RASGRP1: variants seen among roughly 807,000 people sequenced by gnomAD.
RASGRP1 encodes the protein RAS guanyl-releasing protein 1.
A neutral mutation model predicts 95.1 loss-of-function variants in RASGRP1; 37 were observed. The ratio of observed to expected loss-of-function variants is 0.39; its 90% CI spans 0.30 to 0.51. The LOEUF (loss-of-function observed/expected upper bound fraction) is 0.51, where lower values mean the gene tolerates loss of function less well. Among genes scored for constraint, RASGRP1 ranks in the 20% least tolerant of loss-of-function variants. The probability of loss-of-function intolerance (pLI) is 0.80; values close to 1 mark genes in which losing one functional copy is unlikely to be tolerated. For synonymous variants in RASGRP1, 325 were observed against 353.4 expected (o/e 0.92, Z 0.90); for missense variants, 711 against 965.4 (o/e 0.74, Z 3.49).
At chr15:38,508,278 A>G (rs1001558437) in intron 8 of RASGRP1, among the ~76,000 whole-genome samples, 1 of 152,198 alleles carries the variant, frequency 6.6e-6, no homozygotes, top group Admixed American at 6.5e-5. Context: ...TTATGTTAAA[A>G]TTTCCTTCTT....
rs201510994 is a variant in RASGRP1, at chr15:38,537,033, G to GT, written c.221-10630dup. ...TCTTGCTAGATTTAAGCACTATTTT[G>GT]TTTTTTTTTCCTTTGTTCTGGCTAT... On this transcript the variant is annotated intron_variant, in intron 2 of 16. Coordinates refer to ENST00000310803, the MANE Select transcript of RASGRP1 (RefSeq NM_005739.4). 3.3e-3 allele frequency among the ~76,000 whole-genome samples: 501 copies of GT among 150,364 alleles called. 7 individuals are homozygous for GT. The highest frequency in any genetic ancestry group is 0.011 in the African/African-American group (439 of 40,948).
chr15:38,562,280 C>T (rs1339655952), intron 1 of RASGRP1, among the ~76,000 whole-genome samples: 1 of 152,232 alleles, frequency 6.6e-6, no homozygotes, highest in Non-Finnish European at 1.5e-5. Context: ...CTTGCAGGCC[C>T]TCAGAACTGT....
At chr15:38,501,857 G>GTTTT (rs199551123) in intron 12 of RASGRP1, among the ~76,000 whole-genome samples, 1 of 140,952 alleles carries the variant, frequency 7.1e-6, no homozygotes, top group East Asian at 2.1e-4. Context: ...TTCAGTTTTT[G>GTTTT]TTTTTTTTTT....
intron 2 of RASGRP1, among the ~76,000 whole-genome samples, chr15:38,552,330 G>A (rs1003104395): frequency 6.6e-5 from 10 of 152,136 alleles, no homozygotes; most frequent in African/African-American, 2.4e-4. Context: ...ATAAAAAATA[G>A]AAGTCTCAGC....
chr15:38,501,228 T>C lies in RASGRP1; in HGVS notation c.1598A>G (p.Tyr533Cys), dbSNP rs1211649979. ...TAYFMRASSI[Y>C]SKLGLGFPHN... Reference sequence around the variant, plus strand: ...AGGAAAGCCCAGGCCCAGCTTGGAATAGATTGAGCTGGCTCTCATGAAGTA... The same window carrying C: ...AGGAAAGCCCAGGCCCAGCTTGGAACAGATTGAGCTGGCTCTCATGAAGTA... Residue 533 changes from tyrosine to cysteine, a missense_variant, in exon 13 of 17, where the codon TAT becomes TGT. Physicochemically the swap from Tyr to Cys is radical, Grantham distance 194. Coordinates refer to ENST00000310803, the MANE Select transcript of RASGRP1 (RefSeq NM_005739.4). 2 of 1,613,172 alleles carry C rather than the reference T, an allele frequency of 1.2e-6. No individual in the cohort carries two copies. The highest frequency in any genetic ancestry group is 2.2e-5 in the South Asian group (2 of 91,022).
chr15:38,497,778 T>A (rs1004623400), intron 15 of RASGRP1, among the ~76,000 whole-genome samples: 5 of 152,226 alleles, frequency 3.3e-5, no homozygotes, highest in African/African-American at 1.2e-4. Context: ...AGTCATTTCC[T>A]TATTGTACTG....
Position 38,512,963 on chromosome 15 carries a change from G to C in RASGRP1, c.676-7C>G. On this transcript the variant is annotated splice_polypyrimidine_tract_variant and splice_region_variant and intron_variant, in intron 6 of 16. Coordinates refer to ENST00000310803, the MANE Select transcript of RASGRP1 (RefSeq NM_005739.4). Reference sequence around the variant, plus strand: ...AATTCTGATAATCAGAGAACTGCAGGAAAAGAAACAACAACAACAAAAAAA... The same window carrying C: ...AATTCTGATAATCAGAGAACTGCAGCAAAAGAAACAACAACAACAAAAAAA... The C allele has an allele frequency of 1.3e-6, 2 of 1,508,018 alleles. No homozygotes were observed. Among genetic ancestry groups the C allele is most frequent in the Non-Finnish European group, 1.8e-6 (2 of 1,131,342 alleles). The allele number at this position is 1,508,018 out of a possible 1,614,324, so 93.4% of individuals were successfully genotyped here.
chr15:38,488,250 A>T lies in RASGRP1; in HGVS notation c.*2304T>A, dbSNP rs141487112. On this transcript the variant is annotated 3_prime_UTR_variant, in exon 17 of 17. Transcript: ENST00000310803. ...GAGACAGAAATTCACAACGGTCAGT[A>T]AAAAGGTAAGTCAGCAAAGAAAATG... 1.3e-5 allele frequency: 2 copies of T among 152,172 alleles called. No individual in the cohort carries two copies. The highest frequency in any genetic ancestry group is 3.9e-4 in the East Asian group (2 of 5,190). 9.4% of individuals were successfully genotyped at this position (152,172 alleles called of 1,614,324 possible). A position where few individuals can be genotyped will look rare whatever the true frequency, so the allele number is the denominator to read the frequency against.
intron 2 of RASGRP1, among the ~76,000 whole-genome samples, chr15:38,551,506 C>T (rs1324068315): frequency 2.0e-5 from 3 of 151,992 alleles, no homozygotes; most frequent in East Asian, 1.9e-4. Flanking sequence ...TGATCATCCA[C>T]GACAATGTAT....
intron 2 of RASGRP1, among the ~76,000 whole-genome samples, chr15:38,546,345 G>A (rs12324389): frequency 0.015 from 2,355 of 152,194 alleles, 63 homozygotes; most frequent in African/African-American, 0.053. Context: ...AGCCTCCAGA[G>A]TATTCTGTTG....
Position 38,543,007 on chromosome 15 carries a change from G to C in RASGRP1, c.221-16603C>G, listed in dbSNP as rs1050594218. On this transcript the variant is annotated intron_variant, in intron 2 of 16. Transcript: ENST00000310803. ...TTTTCTTCCATTCATTTCTTTAATG[G>C]TATCTTTTGATGAGAAGTTTTTGAT... 2.7e-5 allele frequency among the ~76,000 whole-genome samples: 4 copies of C among 148,854 alleles called. No homozygotes were observed. In the East Asian group the frequency reaches 5.9e-4, roughly 22 times the overall value.
intron 2 of RASGRP1, among the ~76,000 whole-genome samples, chr15:38,540,793 C>A (rs1166864307): frequency 1.3e-5 from 2 of 152,130 alleles, no homozygotes; most frequent in Non-Finnish European, 2.9e-5. Flanking sequence ...ATAAGGAAAA[C>A]TTAGGTTAAA....
rs567743272 is a variant in RASGRP1, at chr15:38,547,998, T to C, written c.220+11823A>G. ...GGTTTTTTTTTTTTTTTTGGTCTTT[T>C]TGGATACCCAGGAATTGAGCATCTC... On this transcript the variant is annotated intron_variant, in intron 2 of 16. Transcript: ENST00000310803. Among the ~76,000 whole-genome samples the C allele has an allele frequency of 9.2e-5, 14 of 152,114 alleles. No individual in the cohort carries two copies. In the East Asian group the frequency reaches 2.7e-3, roughly 29 times the overall value.
At chr15:38,535,569 A>T (rs1348560500) in intron 2 of RASGRP1, among the ~76,000 whole-genome samples, 2 of 152,170 alleles carry the variant, frequency 1.3e-5, no homozygotes, top group Non-Finnish European at 2.9e-5. Context: ...CTAAGGGCCC[A>T]CAGTGCCTGC....
rs369512318 is a variant in RASGRP1 at position 38,502,240 on chromosome 15, C to G, written c.1538+72G>C. Reference sequence around the variant, plus strand: ...AACATATCTGAGTTTTCAAATTCTTCTAGTGACATACCTATAAACCTATTC... The same window carrying G: ...AACATATCTGAGTTTTCAAATTCTTGTAGTGACATACCTATAAACCTATTC... On this transcript the variant is annotated intron_variant, in intron 12 of 16. Transcript: ENST00000310803. 33 of 1,067,622 alleles carry G rather than the reference C, an allele frequency of 3.1e-5. No homozygotes were observed. In the African/African-American group the frequency reaches 5.1e-4, roughly 16 times the overall value. 66.1% of individuals were successfully genotyped at this position (1,067,622 alleles called of 1,614,324 possible).
chr15:38,498,757 T>A (rs745886723), intron 15 of RASGRP1, 37 bp downstream of exon 15: 1 of 1,599,588 alleles, frequency 6.3e-7, no homozygotes, highest in South Asian at 1.1e-5. Context: ...CCTTCCTACT[T>A]CACTTTCCAA....
chr15:38,511,758 A>G (rs780658428), intron 7 of RASGRP1, 38 bp from the exon 8 acceptor site: 2 of 1,498,960 alleles, frequency 1.3e-6, no homozygotes, highest in African/African-American at 2.8e-5. Flanking sequence ...GAGTCACTGT[A>G]CATGTCAGTT....
chr15:38,497,518 A>G (rs1890841340), intron 15 of RASGRP1, among the ~76,000 whole-genome samples: 1 of 151,944 alleles, frequency 6.6e-6, no homozygotes, highest in African/African-American at 2.4e-5. Context: ...CCTTCCTTCA[A>G]GACTTAGCTG....
rs1030336942 is a variant in RASGRP1 at position 38,507,127 on chromosome 15, T to C, written c.1242+599A>G. Among the ~76,000 whole-genome samples, 3 of 152,338 alleles carry C rather than the reference T, an allele frequency of 2.0e-5. No individual in the cohort carries two copies. The East Asian group carries it at 5.8e-4, about 29-fold the overall frequency. On this transcript the variant is annotated intron_variant, in intron 9 of 16. Coordinates refer to ENST00000310803, the MANE Select transcript of RASGRP1 (RefSeq NM_005739.4). ...CTAATTCGTTTGAGGAGAGGAATCT[T>C]GGACGGTTATATGTCCATAGTCACA...
Sources: allele counts gnomAD v4.1 joint callset (sites outside exome capture counted in the v4.1 genomes callset), GRCh38; gene constraint gnomAD v4.1.1; transcripts MANE v1.5; gene names NCBI Gene and HGNC (gene_info 2026-07-23, HGNC 2026-07-21).